MACROD2: variants seen among roughly 807,000 people sequenced by gnomAD.
MACROD2 encodes the protein ADP-ribose glycohydrolase MACROD2.
MACROD2 carries 36 observed loss-of-function variants against 70.4 expected under a neutral mutation model. The observed-to-expected ratio is 0.51, with a 90% CI of 0.39 to 0.68. The LOEUF (loss-of-function observed/expected upper bound fraction) is 0.68. Ranked by LOEUF, MACROD2 falls within the 30% of genes least tolerant of loss-of-function variation. The probability of loss-of-function intolerance (pLI) is 0.00; values close to 1 mark genes in which losing one functional copy is unlikely to be tolerated. For missense variants in MACROD2, 496 were observed against 538.4 expected, an observed-to-expected ratio of 0.92 and a Z score of 0.78; for synonymous variants, 172 against 178.8, an observed-to-expected ratio of 0.96 and a Z score of 0.30.
chr20:15,876,105 A>G (rs6043585), intron 9 of MACROD2, among the ~76,000 whole-genome samples: 1 of 21,456 alleles, frequency 4.7e-5, no homozygotes, highest in African/African-American at 7.3e-5. Flanking sequence ...ATATATATAT[A>G]TATATATGTG....
In MACROD2 at chr20:15,179,261, C is replaced by T. The variant is rs73258874; in HGVS notation, c.419-50679C>T. Among the ~76,000 whole-genome samples, 889 of 152,224 alleles carry T rather than the reference C, an allele frequency of 5.8e-3. 10 individuals carry two copies. The highest frequency in any genetic ancestry group is 0.021 in the African/African-American group (856 of 41,528). On this transcript the variant is annotated intron_variant, in intron 5 of 17. Transcript: ENST00000684519. ...GGTACTTAAAATTTGTGCACTTTAC[C>T]TCATGCTTGTGCTAGCTTATTTTTT...
At chr20:15,511,468 C>G (rs1017191881) in intron 8 of MACROD2, among the ~76,000 whole-genome samples, 4 of 152,134 alleles carry the variant, frequency 2.6e-5, no homozygotes, top group African/African-American at 9.7e-5. Flanking sequence ...AAAGGCCCAG[C>G]AATCTCCCCT....
intron 9 of MACROD2, among the ~76,000 whole-genome samples, chr20:15,872,944 C>A (rs1203219402): frequency 2.0e-5 from 3 of 152,024 alleles, no homozygotes; most frequent in Non-Finnish European, 4.4e-5. Flanking sequence ...ATTATGAATT[C>A]TTCCATAACT....
intron 5 of MACROD2, among the ~76,000 whole-genome samples, chr20:14,845,629 A>G (rs528981925): frequency 3.3e-5 from 5 of 152,196 alleles, no homozygotes; most frequent in African/African-American, 1.2e-4. Context: ...CATTTCTTGT[A>G]CAGAATTCCT....
intron 2 of MACROD2, among the ~76,000 whole-genome samples, chr20:14,035,755 G>A (rs578134233): frequency 6.6e-6 from 1 of 152,220 alleles, no homozygotes; most frequent in East Asian, 1.9e-4. Context: ...TTTCTTTCCT[G>A]TCGGTTCCCA....
intron 3 of MACROD2, among the ~76,000 whole-genome samples, chr20:14,277,170 G>C (rs1249860385): frequency 6.6e-6 from 1 of 152,044 alleles, no homozygotes; most frequent in Non-Finnish European, 1.5e-5. Flanking sequence ...AACTGGGCAT[G>C]GTGGCACTGT....
At chr20:15,948,150 C>G (rs1198256818) in intron 12 of MACROD2, among the ~76,000 whole-genome samples, 1 of 151,952 alleles carries the variant, frequency 6.6e-6, no homozygotes, top group East Asian at 1.9e-4. Context: ...TGACTGCATC[C>G]ACCTTTAAGC....
intron 8 of MACROD2, among the ~76,000 whole-genome samples, chr20:15,598,367 C>T (rs969076068): frequency 3.9e-5 from 6 of 152,208 alleles, no homozygotes; most frequent in Admixed American, 6.5e-5. Context: ...TTTCTCTAAA[C>T]GCTTTTCTTC....
intron 4 of MACROD2, among the ~76,000 whole-genome samples, chr20:14,588,226 CT>C (rs1981517236): frequency 6.6e-6 from 1 of 152,008 alleles, no homozygotes; most frequent in African/African-American, 2.4e-5. Context: ...TTTAAATCTT[CT>C]TGAGCTACTT....
intron 4 of MACROD2, among the ~76,000 whole-genome samples, chr20:14,680,162 A>C (rs2030138268): frequency 6.6e-6 from 1 of 152,194 alleles, no homozygotes; most frequent in African/African-American, 2.4e-5. Context: ...GCCAGAAAGG[A>C]GAGAGTCACA....
intron 5 of MACROD2, among the ~76,000 whole-genome samples, chr20:14,698,526 C>G (rs2071153522): frequency 2.6e-5 from 4 of 151,992 alleles, no homozygotes; most frequent in Admixed American, 2.6e-4. Context: ...CCTCTTCACT[C>G]TCTATCTTCT....
intron 3 of MACROD2, among the ~76,000 whole-genome samples, chr20:14,165,503 G>A (rs532678753): frequency 1.2e-4 from 19 of 152,272 alleles, no homozygotes; most frequent in Admixed American, 1.0e-3. Context: ...TTAACTACTT[G>A]CTATTTGGGT....
At chr20:14,109,947 C>A (rs528568269) in intron 3 of MACROD2, among the ~76,000 whole-genome samples, 2 of 151,896 alleles carry the variant, frequency 1.3e-5, no homozygotes, top group Non-Finnish European at 2.9e-5. Context: ...AGGCCAATAT[C>A]TCTGATGAAT....
At chr20:15,779,808 C>T (rs553411024) in intron 8 of MACROD2, among the ~76,000 whole-genome samples, 1 of 152,040 alleles carries the variant, frequency 6.6e-6, no homozygotes, top group African/African-American at 2.4e-5. Flanking sequence ...AAGAACCTGC[C>T]GCAGGAGATA....
intron 6 of MACROD2, among the ~76,000 whole-genome samples, chr20:15,411,406 A>T (rs117272522): frequency 0.035 from 5,394 of 152,264 alleles, 124 homozygotes; most frequent in Middle Eastern, 0.068. Flanking sequence ...GGAAAAAAAA[A>T]ATTAGATGTT....
At chr20:15,543,529 A>T (rs1019611252) in intron 8 of MACROD2, among the ~76,000 whole-genome samples, 4 of 144,522 alleles carry the variant, frequency 2.8e-5, no homozygotes, top group Non-Finnish European at 4.5e-5. Flanking sequence ...CAGAATGGTG[A>T]GATGTTCTGC....
intron 3 of MACROD2, among the ~76,000 whole-genome samples, chr20:14,395,496 TG>T (rs1283633092): frequency 6.6e-6 from 1 of 152,114 alleles, no homozygotes; most frequent in Non-Finnish European, 1.5e-5. Context: ...CATGATCAGT[TG>T]GCTAGAAATT....
intron 3 of MACROD2, among the ~76,000 whole-genome samples, chr20:14,321,263 G>C (rs1236791090): frequency 6.6e-6 from 1 of 152,054 alleles, no homozygotes; most frequent in African/African-American, 2.4e-5. Context: ...TACTCGGGAG[G>C]CTGAGGCAGG....
chr20:14,693,455 T>G (rs1343462334), intron 5 of MACROD2, among the ~76,000 whole-genome samples: 2 of 152,226 alleles, frequency 1.3e-5, no homozygotes, highest in East Asian at 1.9e-4. Context: ...TAGCAAATGC[T>G]GAGTAAAAGT....
Sources: allele counts gnomAD v4.1 joint callset (sites outside exome capture counted in the v4.1 genomes callset), GRCh38; gene constraint gnomAD v4.1.1; transcripts MANE v1.5; gene names NCBI Gene and HGNC (gene_info 2026-07-23, HGNC 2026-07-21).